Variants in EPB41L2 observed in about 807,000 individuals in gnomAD.
The protein encoded by EPB41L2 is band 4.1-like protein 2.
In EPB41L2, 43 loss-of-function variants were observed where a neutral mutation model predicts 113.0. The ratio of observed to expected loss-of-function variants is 0.38; its 90% confidence interval spans 0.30 to 0.49. EPB41L2 has a LOEUF of 0.49. EPB41L2 is among the 20% of genes least tolerant of loss of function. The pLI, the probability that EPB41L2 is intolerant of heterozygous loss-of-function variation, is 0.95. For missense variants in EPB41L2, 1,147 were observed against 1,223.4 expected (o/e 0.94, Z 0.93); for synonymous variants, 442 against 436.7 (o/e 1.01, Z -0.15).
At chr6:130,853,883 C>T (rs1205460854) in intron 19 of EPB41L2, among the ~76,000 whole-genome samples, 1 of 152,218 alleles carries the variant, frequency 6.6e-6, no homozygotes, top group Non-Finnish European at 1.5e-5. Flanking sequence ...CCTGCTGCCT[C>T]TGTGGGATTC....
intron 1 of EPB41L2, among the ~76,000 whole-genome samples, chr6:131,016,884 ATTTAC>A (rs1788365485): frequency 6.6e-6 from 1 of 151,860 alleles, no homozygotes; most frequent in African/African-American, 2.4e-5. Flanking sequence ...GTAAGCCATT[ATTTAC>A]TTTAAGAGAC....
intron 15 of EPB41L2, 168 bp from the exon 16 acceptor site, chr6:130,867,749 A>T (rs1299682606): frequency 7.4e-6 from 6 of 811,902 alleles, no homozygotes; most frequent in Admixed American, 2.7e-5. Flanking sequence ...TAAAAGAAAA[A>T]TTTTCCTTCA....
intron 1 of EPB41L2, among the ~76,000 whole-genome samples, chr6:131,046,382 A>AT (rs1795463637): frequency 6.6e-6 from 1 of 152,140 alleles, no homozygotes; most frequent in African/African-American, 2.4e-5. Flanking sequence ...CACTTAACTA[A>AT]TGAGTGTACT....
chr6:130,904,916 CTT>C (rs772079906), intron 5 of EPB41L2, among the ~76,000 whole-genome samples: 5 of 92,908 alleles, frequency 5.4e-5, no homozygotes, highest in Admixed American at 1.3e-4. Context: ...ATTCTCCACC[CTT>C]TTTTTTTTTT....
At chr6:130,987,726 TGAATG>T (rs1303363003) in intron 1 of EPB41L2, among the ~76,000 whole-genome samples, 1 of 151,482 alleles carries the variant, frequency 6.6e-6, no homozygotes, top group African/African-American at 2.4e-5. Context: ...AATGAATGAA[TGAATG>T]AATGTTGTTC....
At chr6:130,987,408 G>A (rs888096888) in intron 1 of EPB41L2, among the ~76,000 whole-genome samples, 9 of 152,156 alleles carry the variant, frequency 5.9e-5, no homozygotes, top group Non-Finnish European at 1.0e-4. Context: ...ATGTTGTTCT[G>A]AGGGTCAAGC....
chr6:131,059,308 G>A (rs1447890891), intron 1 of EPB41L2, among the ~76,000 whole-genome samples: 1 of 152,046 alleles, frequency 6.6e-6, no homozygotes, highest in Non-Finnish European at 1.5e-5. Context: ...TAGAGACGGG[G>A]TTTCACCGTG....
chr6:131,009,513 A>C (rs780997256), intron 1 of EPB41L2, among the ~76,000 whole-genome samples: 29 of 152,166 alleles, frequency 1.9e-4, no homozygotes, highest in Non-Finnish European at 3.5e-4. Flanking sequence ...GTACCTGTAC[A>C]TATTTCACAC....
chr6:130,898,387 T>C (rs1795275233), intron 8 of EPB41L2, among the ~76,000 whole-genome samples: 10 of 152,202 alleles, frequency 6.6e-5, no homozygotes. Flanking sequence ...TCTCAAATCA[T>C]ATAATCTGGG....
At position 130,858,254 on chromosome 6, in the gene EPB41L2, C is replaced by T. The variant is rs1203650226; in HGVS notation, c.2911-11G>A. On this transcript the variant is annotated splice_polypyrimidine_tract_variant and intron_variant, in intron 18 of 19. Coordinates refer to ENST00000337057, the MANE Select transcript of EPB41L2 (RefSeq NM_001431.4). ...CGCCTGAGCCAGTGCCTGCCAGGGT[C>T]AGGACAGAGAACGGCTGTGAGCTGG... The T allele has an allele frequency of 3.1e-6, 5 of 1,606,904 alleles. No homozygotes were observed. The highest frequency in any genetic ancestry group is 2.6e-6 in the Non-Finnish European group (3 of 1,176,264).
intron 3 of EPB41L2, among the ~76,000 whole-genome samples, chr6:130,941,644 A>G (rs1055348753): frequency 1.3e-5 from 2 of 152,230 alleles, no homozygotes; most frequent in African/African-American, 4.8e-5. Flanking sequence ...GAAATCTGGA[A>G]GGAGATGTCA....
At chr6:130,972,070 C>T (rs1233910369) in intron 1 of EPB41L2, among the ~76,000 whole-genome samples, 1 of 152,038 alleles carries the variant, frequency 6.6e-6, no homozygotes, top group Non-Finnish European at 1.5e-5. Context: ...ATGCCTGTAA[C>T]ACCAGAATTT....
At chr6:130,928,609 C>G (rs1805614931) in intron 3 of EPB41L2, among the ~76,000 whole-genome samples, 1 of 152,226 alleles carries the variant, frequency 6.6e-6, no homozygotes, top group Non-Finnish European at 1.5e-5. Flanking sequence ...TCATTGGTTT[C>G]CATTTCAAAA....
intron 1 of EPB41L2, among the ~76,000 whole-genome samples, chr6:130,972,937 C>CAAAAAAAAAAAAAAAAAAAAAAAAAAAA (rs57293132): frequency 1.0e-4 from 6 of 59,514 alleles, no homozygotes; most frequent in Non-Finnish European, 1.4e-4. Flanking sequence ...ACTAAAGATA[C>CAAAAAAAAAAAAAAAAAAAAAAAAAAAA]AAAAAAAAAA....
intron 4 of EPB41L2, among the ~76,000 whole-genome samples, chr6:130,925,730 T>C (rs921605177): frequency 1.3e-5 from 2 of 152,162 alleles, no homozygotes; most frequent in African/African-American, 2.4e-5. Flanking sequence ...GACCACCTTA[T>C]AATTTACAGT....
intron 19 of EPB41L2, among the ~76,000 whole-genome samples, chr6:130,843,891 C>T (rs147790781): frequency 1.4e-3 from 207 of 152,264 alleles, no homozygotes; most frequent in African/African-American, 4.7e-3. Context: ...GAGTTATTTA[C>T]CCTCTCAGTG....
At chr6:131,038,919 G>A (rs940975714) in intron 1 of EPB41L2, among the ~76,000 whole-genome samples, 1 of 152,112 alleles carries the variant, frequency 6.6e-6, no homozygotes, top group African/African-American at 2.4e-5. Context: ...TGAAAAGAGT[G>A]ACCATTTTCC....
chr6:130,855,185 C>T lies in EPB41L2; in HGVS notation c.*5+2946G>A, dbSNP rs189965483. On this transcript the variant is annotated intron_variant, in intron 19 of 19. Transcript: ENST00000337057. Reference sequence around the variant, plus strand: ...CCAACATGGCGAAACCCTGTCTCTACTAAAAAATACAAAAATTAGCTGGGC... The same window carrying T: ...CCAACATGGCGAAACCCTGTCTCTATTAAAAAATACAAAAATTAGCTGGGC... Among the ~76,000 whole-genome samples, 1,213 of 151,810 alleles carry T rather than the reference C, an allele frequency of 8.0e-3. 14 individuals carry two copies. Among genetic ancestry groups the T allele is most frequent in the African/African-American group, 0.028 (1,140 of 41,416 alleles).
chr6:130,943,028 G>C (rs765344408), intron 3 of EPB41L2, among the ~76,000 whole-genome samples: 41 of 152,148 alleles, frequency 2.7e-4, no homozygotes, highest in Non-Finnish European at 4.7e-4. Context: ...CCAAGTCTTT[G>C]CTACTGTGAA....
Sources: gnomAD v4.1 joint callset for allele counts (sites outside exome capture counted in the v4.1 genomes callset) on GRCh38, gnomAD v4.1.1 for gene constraint, MANE v1.5 for transcripts, NCBI Gene and HGNC (gene_info 2026-07-23, HGNC 2026-07-21) for gene names.